Variants in TMEM276 observed in about 807,000 individuals in gnomAD.
TMEM276 encodes the protein transmembrane protein 276.
the TMEM276 span, chr8:144,465,033 A>C: frequency 6.5e-7 from 1 of 1,534,964 alleles, no homozygotes; most frequent in Non-Finnish European, 8.7e-7. Flanking sequence ...CCAGGTCCCC[A>C]TTACTGGATG....
At chr8:144,464,262 C>T in the TMEM276 span, 122 of 1,613,154 alleles carry the variant, frequency 7.6e-5, no homozygotes, top group Admixed American at 1.0e-4. Flanking sequence ...GGAGGCCTGC[C>T]ACACCCAGCA....
At chr8:144,465,224 G>A in the TMEM276 span, 7 of 1,194,456 alleles carry the variant, frequency 5.9e-6, no homozygotes, top group East Asian at 2.3e-4. Context: ...AAGAGAGAGC[G>A]GCGAGGCGCT....
At chr8:144,464,436 G>T in the TMEM276 span, 2 of 1,612,280 alleles carry the variant, frequency 1.2e-6, no homozygotes, top group South Asian at 1.1e-5. Context: ...GGAGCAGGTT[G>T]GCAGAGGAGC....
At chr8:144,466,715 G>C in the TMEM276 span, 4 of 1,442,688 alleles carry the variant, frequency 2.8e-6, no homozygotes, top group Non-Finnish European at 3.7e-6. Context: ...GGGGCCAGCA[G>C]GCTGCCTGCC....
At chr8:144,464,529 T>G in the TMEM276 span, 11 of 1,612,318 alleles carry the variant, frequency 6.8e-6, no homozygotes, top group South Asian at 1.2e-4. Context: ...CAAGGCAGTC[T>G]TCGTGTGTGC....
At chr8:144,464,817 T>G in the TMEM276 span, 1 of 1,612,772 alleles carries the variant, frequency 6.2e-7, no homozygotes, top group Non-Finnish European at 8.5e-7. Flanking sequence ...ACCTCGGCTG[T>G]GCTCACGGCT....
At chr8:144,466,755 C>T in the TMEM276 span, 6 of 1,529,200 alleles carry the variant, frequency 3.9e-6, no homozygotes, top group African/African-American at 1.4e-5. Context: ...CTGCCCCCTC[C>T]CTAGAGAGCC....
chr8:144,466,393 C>CG, the TMEM276 span: 1 of 1,061,742 alleles, frequency 9.4e-7, no homozygotes, highest in Admixed American at 3.8e-5. Flanking sequence ...CGGCGCGAAG[C>CG]GGGGCCCTCT....
chr8:144,464,713 C>T, the TMEM276 span: 15 of 1,568,214 alleles, frequency 9.6e-6, no homozygotes, highest in Non-Finnish European at 1.2e-5. Flanking sequence ...TGGTCTTAGA[C>T]GCACTTCCCA....
chr8:144,464,243 G>C, the TMEM276 span: 1 of 1,612,968 alleles, frequency 6.2e-7, no homozygotes, highest in East Asian at 2.2e-5. Flanking sequence ...TCCTCCTCCA[G>C]CCGGCTCAGG....
At chr8:144,466,397 G>C in the TMEM276 span, 1 of 1,106,580 alleles carries the variant, frequency 9.0e-7, no homozygotes, top group Non-Finnish European at 1.2e-6. Context: ...GCGAAGCGGG[G>C]CCCTCTGCCG....
the TMEM276 span, chr8:144,466,935 C>G: frequency 3.2e-6 from 5 of 1,582,244 alleles, no homozygotes; most frequent in Non-Finnish European, 4.3e-6. Context: ...CGAAATGTCT[C>G]CCGCCCTCCT....
chr8:144,464,900 A>G, the TMEM276 span: 2 of 1,611,700 alleles, frequency 1.2e-6, no homozygotes, highest in Non-Finnish European at 1.7e-6. Context: ...CTTGGGGGCC[A>G]TGGCACCTCA....
chr8:144,466,999 G>A, the TMEM276 span: 1 of 1,596,624 alleles, frequency 6.3e-7, no homozygotes. Flanking sequence ...GCGCAGCCGA[G>A]GGCCGCGCGG....
At chr8:144,466,431 T>G in the TMEM276 span, 2 of 1,341,774 alleles carry the variant, frequency 1.5e-6, no homozygotes, top group Non-Finnish European at 1.9e-6. Flanking sequence ...TGTACGCCTT[T>G]TACTCGTTGC....
At chr8:144,465,059 T>C in the TMEM276 span, 1 of 1,530,516 alleles carries the variant, frequency 6.5e-7, no homozygotes, top group African/African-American at 1.4e-5. Context: ...AGAAGTTCAG[T>C]CCTAGACTTT....
At chr8:144,463,859 G>A in the TMEM276 span, 2 of 1,362,322 alleles carry the variant, frequency 1.5e-6, no homozygotes, top group Middle Eastern at 2.7e-4. Context: ...TTGGAGACTA[G>A]GCCTCTTCTC....
chr8:144,464,690 T>C, the TMEM276 span: 1 of 1,574,406 alleles, frequency 6.4e-7, no homozygotes, highest in Non-Finnish European at 8.6e-7. Context: ...GGTTTGGGGC[T>C]TCCATGGAGA....
the TMEM276 span, chr8:144,464,960 G>T: frequency 6.3e-7 from 1 of 1,588,532 alleles, no homozygotes. Flanking sequence ...ACTTTGGAGA[G>T]GAAGGAAGCG....
Sources: gnomAD v4.1 joint callset for allele counts on GRCh38, gnomAD v4.1.1 for gene constraint, MANE v1.5 for transcripts, NCBI Gene and HGNC (gene_info 2026-07-23, HGNC 2026-07-21) for gene names.